The following SEMA4B variants were observed in gnomAD, a reference collection of about 807,000 sequenced individuals.
SEMA4B encodes semaphorin 4B.
SEMA4B carries 55 observed loss-of-function variants against 88.1 expected under a neutral mutation model. The observed-to-expected ratio is 0.62, with a 90% confidence interval of 0.50 to 0.78. The LOEUF (loss-of-function observed/expected upper bound fraction) is 0.78. Ranked by LOEUF, SEMA4B falls within the 30% of genes least tolerant of loss-of-function variation. The pLI is 0.00. For missense variants in SEMA4B, 1,062 were observed against 1,111.9 expected (o/e 0.96, Z 0.64); for synonymous variants, 525 against 473.6 (o/e 1.11, Z -1.41).
upstream of SEMA4B, among the ~76,000 whole-genome samples, chr15:90,200,648 C>G (rs1272837415): frequency 6.6e-6 from 1 of 152,154 alleles, no homozygotes; most frequent in Non-Finnish European, 1.5e-5. Flanking sequence ...TAGGGGTTCC[C>G]TTCCCCTGCC....
chr15:90,201,589 C>T lies in SEMA4B; in HGVS notation c.11C>T (p.Thr4Ile), dbSNP rs922767069. ...GCTCCTGCTCTCCGAATGCTGCGCA[C>T]CGCGATGGGCCTGAGGAGCTGGCTC... MLR[T>I]AMGLRSWLAA... is the part of the protein sequence containing the mutation. Residue 4 changes from threonine to isoleucine, a missense_variant, in exon 1 of 14, where the codon ACC (threonine) becomes ATC (isoleucine). Thr to Ile is a moderately conservative substitution (Grantham distance 89). Coordinates refer to ENST00000411539, the MANE Select transcript of SEMA4B (RefSeq NM_198925.4). The T allele has an allele frequency of 6.7e-7, 1 of 1,502,704 alleles. No homozygotes were observed. Among genetic ancestry groups the T allele is most frequent in the Non-Finnish European group, 8.8e-7 (1 of 1,133,184 alleles). 93.1% of individuals were successfully genotyped at this position (1,502,704 alleles called of 1,614,324 possible). A position where few individuals can be genotyped will look rare whatever the true frequency, so the allele number is the denominator to read the frequency against.
chr15:90,211,457 C>T (rs1348706101), intron 1 of SEMA4B, among the ~76,000 whole-genome samples: 1 of 152,024 alleles, frequency 6.6e-6, no homozygotes, highest in Non-Finnish European at 1.5e-5. Context: ...GCCCAGAGTC[C>T]CTGGTCAGGG....
At chr15:90,191,403 G>A (rs1300102130) in intron 1 of SEMA4B, among the ~76,000 whole-genome samples, 1 of 152,214 alleles carries the variant, frequency 6.6e-6, no homozygotes, top group Non-Finnish European at 1.5e-5. Flanking sequence ...GACGCCATGG[G>A]GCAACTTTCA....
chr15:90,200,215 GAA>G (rs892560730), upstream of SEMA4B, among the ~76,000 whole-genome samples: 5 of 152,182 alleles, frequency 3.3e-5, no homozygotes, highest in African/African-American at 1.2e-4. Flanking sequence ...GGGAGGAGAG[GAA>G]AAGAGGTGCT....
chr15:90,185,677 T>A (rs1960143090), intron 1 of SEMA4B, among the ~76,000 whole-genome samples: 1 of 152,216 alleles, frequency 6.6e-6, no homozygotes, highest in African/African-American at 2.4e-5. Flanking sequence ...TTATTTGAGT[T>A]AAACACAGGA....
rs1482309912 is a variant in SEMA4B at position 90,217,832 on chromosome 15, G to A, written c.384+3G>A. On this transcript the variant is annotated splice_donor_region_variant and intron_variant, in intron 3 of 13. Transcript: ENST00000411539. Reference sequence around the variant, plus strand: ...GCTTCAAGGGCAAGGACCCACAGGTGAGCCCACACCTGGAAGGGAGCTGAG... The same window carrying A: ...GCTTCAAGGGCAAGGACCCACAGGTAAGCCCACACCTGGAAGGGAGCTGAG... 8 of 1,611,068 alleles carry A rather than the reference G, an allele frequency of 5.0e-6. No homozygotes were observed. Among genetic ancestry groups the A allele is most frequent in the Non-Finnish European group, 6.8e-6 (8 of 1,178,596 alleles).
chr15:90,199,472 G>T (rs1157528445), upstream of SEMA4B, among the ~76,000 whole-genome samples: 1 of 151,938 alleles, frequency 6.6e-6, no homozygotes, highest in African/African-American at 2.4e-5. Context: ...AAGGGGGAGA[G>T]ATCAGGAGCT....
At chr15:90,211,221 G>A (rs1292414410) in intron 1 of SEMA4B, among the ~76,000 whole-genome samples, 1 of 152,312 alleles carries the variant, frequency 6.6e-6, no homozygotes, top group Non-Finnish European at 1.5e-5. Context: ...TAAGGTGACG[G>A]CAGTGGTCTG....
At chr15:90,225,476 TCTC>T (rs1486419918) in intron 11 of SEMA4B, 79 bp downstream of exon 11, 10 of 1,375,422 alleles carry the variant, frequency 7.3e-6, no homozygotes, top group Admixed American at 4.0e-5. Flanking sequence ...CCACCCAGCT[TCTC>T]CTCCCTTGCC....
At chr15:90,220,695 C>A (rs1961779178) in intron 4 of SEMA4B, among the ~76,000 whole-genome samples, 1 of 152,020 alleles carries the variant, frequency 6.6e-6, no homozygotes, top group Non-Finnish European at 1.5e-5. Context: ...CTAAGCCTCA[C>A]CTCCTCCGCC....
chr15:90,196,065 G>A (rs1424235621), intron 1 of SEMA4B, among the ~76,000 whole-genome samples: 5 of 150,200 alleles, frequency 3.3e-5, no homozygotes, highest in Admixed American at 1.3e-4. Context: ...GACTACAGGC[G>A]CCCGCCACCA....
intron 13 of SEMA4B, 45 bp from the exon 14 acceptor site, chr15:90,227,859 T>C (rs755736926): frequency 1.9e-6 from 3 of 1,603,002 alleles, no homozygotes; most frequent in Non-Finnish European, 2.5e-6. Flanking sequence ...TTGGAGCTAC[T>C]GTGGACGCTG....
At chr15:90,196,086 A>ATT (rs1199897717) in intron 1 of SEMA4B, among the ~76,000 whole-genome samples, 70 of 137,518 alleles carry the variant, frequency 5.1e-4, no homozygotes, top group African/African-American at 1.8e-3. Context: ...TGCCTGGCTA[A>ATT]TTTTTTTTTT....
At chr15:90,204,550 A>G (rs1335514583) in intron 1 of SEMA4B, among the ~76,000 whole-genome samples, 1 of 152,110 alleles carries the variant, frequency 6.6e-6, no homozygotes, top group Non-Finnish European at 1.5e-5. Flanking sequence ...GAAATCTCTG[A>G]AAGGAACACT....
chr15:90,185,923 G>GTTTTTTTTTTTT (rs1960151017), intron 1 of SEMA4B, among the ~76,000 whole-genome samples: 1 of 95,988 alleles, frequency 1.0e-5, no homozygotes, highest in African/African-American at 4.0e-5. Context: ...TTCTTTTGGT[G>GTTTTTTTTTTTT]ATTTTTTTTT....
chr15:90,204,751 C>T (rs1327629168), intron 1 of SEMA4B, among the ~76,000 whole-genome samples: 1 of 152,024 alleles, frequency 6.6e-6, no homozygotes, highest in Non-Finnish European at 1.5e-5. Flanking sequence ...TTTTGGGCCA[C>T]CTTATTTGGA....
rs116599784 is a variant in SEMA4B, at chr15:90,204,931, A to T, written c.157+3196A>T. On this transcript the variant is annotated intron_variant, in intron 1 of 13. Transcript: ENST00000411539. ...GCTGAGACTACAGGTGCCCGCCACC[A>T]TGCTTAGCTAATTTTTGTATTTTTG... 5.8e-3 allele frequency among the ~76,000 whole-genome samples: 877 copies of T among 152,254 alleles called. 5 individuals carry two copies. The highest frequency in any genetic ancestry group is 0.02 in the African/African-American group (846 of 41,542).
chr15:90,201,593 G>C lies in SEMA4B; in HGVS notation c.15G>C (p.Ala5=). The change falls in exon 1 of 14, where the codon GCG becomes GCC. Residue 5 remains alanine, a synonymous_variant. Coordinates refer to ENST00000411539, the MANE Select transcript of SEMA4B (RefSeq NM_198925.4). ...CTGCTCTCCGAATGCTGCGCACCGC[G>C]ATGGGCCTGAGGAGCTGGCTCGCCG... MLRT[A]MGLRSWLAAP... 3 of 1,505,702 alleles carry C rather than the reference G, an allele frequency of 2.0e-6. No homozygotes were observed. In the South Asian group the frequency reaches 3.7e-5, roughly 19 times the overall value. The allele number at this position is 1,505,702 out of a possible 1,614,324, so 93.3% of individuals were successfully genotyped here. A position where few individuals can be genotyped will look rare whatever the true frequency, so the allele number is the denominator to read the frequency against.
chr15:90,201,401 G>A lies in SEMA4B; in HGVS notation c.-178G>A, dbSNP rs1232740689. ...GGCGGGAGGACTGCGGTGCCCCGCG[G>A]AGGGGCTGAGTTTGCCAGGGCCCAC... On this transcript the variant is annotated 5_prime_UTR_variant, in exon 1 of 14. Transcript: ENST00000411539. 3 of 1,278,940 alleles carry A rather than the reference G, an allele frequency of 2.3e-6. No individual in the cohort carries two copies. In the African/African-American group the frequency reaches 4.7e-5, roughly 20 times the overall value. The allele number at this position is 1,278,940 out of a possible 1,614,324, so 79.2% of individuals were successfully genotyped here.
Sources: allele counts gnomAD v4.1 joint callset (sites outside exome capture counted in the v4.1 genomes callset), GRCh38; gene constraint gnomAD v4.1.1; transcripts MANE v1.5; gene names NCBI Gene and HGNC (gene_info 2026-07-23, HGNC 2026-07-21).